STK31: variants seen among roughly 807,000 people sequenced by gnomAD.
STK31 encodes the protein serine/threonine kinase 31, also known as serine/threonine-protein kinase 31.
Under a neutral mutation model 129.7 loss-of-function variants are expected in STK31, and 89 were observed. The ratio of observed to expected loss-of-function variants is 0.69; its 90% confidence interval spans 0.58 to 0.82. The LOEUF (loss-of-function observed/expected upper bound fraction) is 0.82. STK31 is among the 40% of genes least tolerant of loss of function. The pLI, the probability that STK31 is intolerant of heterozygous loss-of-function variation, is 0.00. For missense variants in STK31, 1,187 were observed against 1,176.4 expected, an observed-to-expected ratio of 1.01 and a Z score of -0.13; for synonymous variants, 448 against 395.3, an observed-to-expected ratio of 1.13 and a Z score of -1.58.
At chr7:23,793,386 A>G (rs1209462302) in intron 22 of STK31, among the ~76,000 whole-genome samples, 1 of 152,236 alleles carries the variant, frequency 6.6e-6, no homozygotes, top group Non-Finnish European at 1.5e-5. Context: ...AAAGAAAAAA[A>G]TCATTTGGAT....
rs372791531 is a variant in STK31, at chr7:23,788,078, T to C, written c.2586T>C (p.Ala862=). 7 of 1,612,970 alleles carry C rather than the reference T, an allele frequency of 4.3e-6. No homozygotes were observed. The African/African-American group carries it at 8.0e-5, about 18-fold the overall frequency. Residue 862 remains alanine, a synonymous_variant, in exon 21 of 24, where the codon GCT becomes GCC. Coordinates refer to ENST00000355870, the MANE Select transcript of STK31 (RefSeq NM_031414.5). ...HGSLHQNNVF[A]LNREQGIVGD... is the part of the protein sequence containing the mutation. ...CACTTCATCAGAACAATGTATTTGC[T>C]TTAAACCGTGAACAAGGAATTGTTG...
intron 5 of STK31, 143 bp from the exon 6 acceptor site, chr7:23,728,948 C>A: frequency 1.7e-6 from 1 of 587,302 alleles, no homozygotes; most frequent in Non-Finnish European, 2.6e-6. Flanking sequence ...TATTAGAAAT[C>A]TGTTTCTGAA....
At chr7:23,796,896 A>AAAATAAAGGG (rs1791993961) in intron 22 of STK31, among the ~76,000 whole-genome samples, 1 of 151,946 alleles carries the variant, frequency 6.6e-6, no homozygotes, top group Admixed American at 6.6e-5. Flanking sequence ...ACATAGGCTC[A>AAAATAAAGGG]AAATAAAGGG....
intron 23 of STK31, among the ~76,000 whole-genome samples, chr7:23,816,229 T>G (rs938074021): frequency 1.3e-5 from 2 of 152,198 alleles, no homozygotes; most frequent in Non-Finnish European, 2.9e-5. Flanking sequence ...GAAGGTTGAC[T>G]ATGGTTTACA....
chr7:23,820,741 T>A (rs1793743140), intron 23 of STK31, among the ~76,000 whole-genome samples: 1 of 152,216 alleles, frequency 6.6e-6, no homozygotes, highest in African/African-American at 2.4e-5. Context: ...GATCAACTGT[T>A]ATAGCTCCGA....
At chr7:23,760,524 G>A (rs1202666987) in intron 10 of STK31, among the ~76,000 whole-genome samples, 5 of 152,132 alleles carry the variant, frequency 3.3e-5, no homozygotes, top group Admixed American at 6.6e-5. Flanking sequence ...TGAAACACAG[G>A]CAGTGTGTTT....
intron 3 of STK31, among the ~76,000 whole-genome samples, chr7:23,716,971 T>C (rs1224690715): frequency 1.3e-5 from 2 of 151,790 alleles, no homozygotes; most frequent in Non-Finnish European, 2.9e-5. Flanking sequence ...ATCTTTTGTA[T>C]TATTTTTGTA....
At chr7:23,808,973 C>CTGTGTGTG (rs1792913124) in intron 22 of STK31, among the ~76,000 whole-genome samples, 1 of 28,592 alleles carries the variant, frequency 3.5e-5, no homozygotes, top group African/African-American at 1.1e-4. Context: ...GTGTGTGTGC[C>CTGTGTGTG]TGTGTCTGTT....
At chr7:23,743,733 C>T (rs994124799) in intron 8 of STK31, among the ~76,000 whole-genome samples, 9 of 152,016 alleles carry the variant, frequency 5.9e-5, no homozygotes, top group Admixed American at 3.3e-4. Flanking sequence ...TTTTTGATCC[C>T]TTTTTTTCTC....
Position 23,710,301 on chromosome 7 carries a change from C to A in STK31, c.16C>A (p.His6Asn). Residue 6 changes from histidine (H) to asparagine (N), a missense_variant, in exon 1 of 24, where the codon CAC becomes AAC. His to Asn is a moderately conservative substitution (Grantham distance 68). Coordinates refer to ENST00000355870, the MANE Select transcript of STK31 (RefSeq NM_031414.5). MWVQG[H>N]SSRASATESV... ...AAAGTCCAGTATGTGGGTCCAGGGT[C>A]ACTCTTCTAGAGCTTCCGCAACGGA... 1 of 1,612,558 alleles carries A rather than the reference C, an allele frequency of 6.2e-7. No individual in the cohort carries two copies. Among genetic ancestry groups the A allele is most frequent in the South Asian group, 1.1e-5 (1 of 90,708 alleles).
chr7:23,735,713 T>C lies in STK31; in HGVS notation c.659T>C (p.Ile220Thr), dbSNP rs145053823. 1.2e-6 allele frequency: 2 copies of C among 1,613,988 alleles called. No individual in the cohort carries two copies. Among genetic ancestry groups the C allele is most frequent in the Non-Finnish European group, 1.7e-6 (2 of 1,180,022 alleles). ...TGCAGACTTGCTTCCAGAACTGACA[T>C]CTGTGAGGAAAAAAAATTGGATCCT... ...EKCRLASRTD[I>T]CEEKKLDPGQ... The change falls in exon 7 of 24, where the codon ATC becomes ACC. Residue 220 changes from isoleucine (I) to threonine (T), a missense_variant. Transcript: ENST00000355870.
chr7:23,808,166 T>TAC (rs1748715810), intron 22 of STK31, among the ~76,000 whole-genome samples: 2 of 119,286 alleles, frequency 1.7e-5, no homozygotes, highest in Non-Finnish European at 3.7e-5. Flanking sequence ...TATATATATA[T>TAC]ATATTTTTTG....
At chr7:23,791,207 T>C (rs895202024) in intron 22 of STK31, 61 of 937,642 alleles carry the variant, frequency 6.5e-5, no homozygotes, top group Non-Finnish European at 7.2e-5. Flanking sequence ...TTGTCCTACA[T>C]TAATCTGAAA....
intron 15 of STK31, among the ~76,000 whole-genome samples, chr7:23,774,351 T>C (rs536218705): frequency 1.3e-5 from 2 of 152,142 alleles, no homozygotes; most frequent in East Asian, 1.9e-4. Context: ...CTTGAGGAAT[T>C]GCCACACTGT....
At chr7:23,814,768 T>C (rs1461697260) in intron 22 of STK31, among the ~76,000 whole-genome samples, 1 of 152,172 alleles carries the variant, frequency 6.6e-6, no homozygotes, top group Non-Finnish European at 1.5e-5. Flanking sequence ...GTTTAGCTTA[T>C]ATTTCTTGAA....
intron 1 of STK31, chr7:23,710,735 G>GA: frequency 9.4e-7 from 1 of 1,063,616 alleles, no homozygotes; most frequent in Non-Finnish European, 1.1e-6. Flanking sequence ...TCTGTTTGCA[G>GA]AAAGTGGGTA....
intron 1 of STK31, 26 bp from the exon 2 acceptor site, chr7:23,712,073 T>C: frequency 6.4e-7 from 1 of 1,553,678 alleles, no homozygotes; most frequent in African/African-American, 1.4e-5. Flanking sequence ...TGGATTATTG[T>C]AATCTAATTT....
chr7:23,727,508 A>G (rs929318212), intron 5 of STK31, 193 bp downstream of exon 5: 2 of 454,032 alleles, frequency 4.4e-6, no homozygotes, highest in Non-Finnish European at 7.9e-6. Context: ...AGAATAGATT[A>G]TATAATATGT....
chr7:23,723,906 T>A (rs1786887365), intron 4 of STK31, among the ~76,000 whole-genome samples: 1 of 152,188 alleles, frequency 6.6e-6, no homozygotes, highest in Non-Finnish European at 1.5e-5. Context: ...TAAGAGTCCT[T>A]TATTTAAGCT....
Sources: gnomAD v4.1 joint callset for allele counts (sites outside exome capture counted in the v4.1 genomes callset) on GRCh38, gnomAD v4.1.1 for gene constraint, MANE v1.5 for transcripts, NCBI Gene and HGNC (gene_info 2026-07-23, HGNC 2026-07-21) for gene names.